PHYH: variants seen among roughly 807,000 people sequenced by gnomAD.
PHYH encodes phytanoyl-CoA 2-hydroxylase, also known as phytanoyl-CoA dioxygenase, peroxisomal.
Under a neutral mutation model 38.5 loss-of-function variants are expected in PHYH, and 32 were observed. That is an observed-to-expected ratio of 0.83 (90% CI 0.63 to 1.12). The LOEUF (loss-of-function observed/expected upper bound fraction) is 1.12. Ranked by LOEUF, PHYH falls within the 50% of genes most tolerant of loss-of-function variation. The pLI is 0.00. For missense variants in PHYH, 426 were observed against 434.8 expected, an observed-to-expected ratio of 0.98 and a Z score of 0.18; for synonymous variants, 166 against 157.9, an observed-to-expected ratio of 1.05 and a Z score of -0.38.
intron 2 of PHYH, among the ~76,000 whole-genome samples, chr10:13,297,225 T>A (rs979879637): frequency 6.6e-6 from 1 of 152,170 alleles, no homozygotes; most frequent in African/African-American, 2.4e-5. Flanking sequence ...ATAAATTGTA[T>A]ATTTTTAACT....
chr10:13,293,810 G>C, intron 4 of PHYH, among the ~76,000 whole-genome samples: 1 of 152,074 alleles, frequency 6.6e-6, no homozygotes, highest in Non-Finnish European at 1.5e-5. Context: ...AGACTGTTGA[G>C]TTTTTTTCCA....
At chr10:13,298,964 T>TAACAAC (rs1184585156) in intron 1 of PHYH, among the ~76,000 whole-genome samples, 35 of 72,104 alleles carry the variant, frequency 4.9e-4, no homozygotes, top group South Asian at 1.3e-3. Context: ...ATAATAATAA[T>TAACAAC]AACAACAATA....
chr10:13,293,062 T>C lies in PHYH; in HGVS notation c.415-1150A>G, dbSNP rs140228063. Among the ~76,000 whole-genome samples, 205 of 152,258 alleles carry C rather than the reference T, an allele frequency of 1.3e-3. 1 individual carries two copies. The highest frequency in any genetic ancestry group is 4.6e-3 in the African/African-American group (191 of 41,570). ...ACTGCTTCCTCACTTTTTGATCTCT[T>C]GTGTATAAGGAATATTGGCAATTTG... On this transcript the variant is annotated intron_variant, in intron 4 of 8. Transcript: ENST00000263038.
intron 2 of PHYH, 49 bp from the exon 3 acceptor site, chr10:13,295,655 G>C (rs1358815046): frequency 3.5e-6 from 3 of 846,002 alleles, no homozygotes; most frequent in Middle Eastern, 3.2e-4. Context: ...TAAATTACAG[G>C]CTAGGCACAA....
At chr10:13,289,208 T>C (rs1455771621) in intron 5 of PHYH, among the ~76,000 whole-genome samples, 2 of 152,172 alleles carry the variant, frequency 1.3e-5, no homozygotes, top group Non-Finnish European at 2.9e-5. Context: ...GTTGTTATTG[T>C]TTTTTGAGAC....
At position 13,293,974 on chromosome 10, in the gene PHYH, T is replaced by A. The variant is rs1186176813; in HGVS notation, c.414+454A>T. On this transcript the variant is annotated intron_variant, in intron 4 of 8. Coordinates refer to ENST00000263038, the MANE Select transcript of PHYH (RefSeq NM_006214.4). ...ATCCCAGCACTTTGGGAGGCCGAGGTGGGTGGATCACGAGGTCAGAAGTTC... is the reference window on the plus strand; with the variant it reads ...ATCCCAGCACTTTGGGAGGCCGAGGAGGGTGGATCACGAGGTCAGAAGTTC... Among the ~76,000 whole-genome samples the A allele has an allele frequency of 2.0e-5, 3 of 151,660 alleles. No individual in the cohort carries two copies. In the South Asian group the frequency reaches 6.3e-4, roughly 32 times the overall value.
intron 8 of PHYH, among the ~76,000 whole-genome samples, chr10:13,279,789 T>C (rs1835370139): frequency 6.6e-6 from 1 of 152,220 alleles, no homozygotes. Flanking sequence ...TGTACATATA[T>C]TTGTTCTCCC....
At chr10:13,284,918 G>A (rs946517027) in intron 6 of PHYH, among the ~76,000 whole-genome samples, 1 of 152,076 alleles carries the variant, frequency 6.6e-6, no homozygotes, top group Admixed American at 6.6e-5. Context: ...TGGCCAGGGT[G>A]AATGTGTGAC....
At chr10:13,291,521 C>G (rs1004047014) in intron 5 of PHYH, 3 of 384,992 alleles carry the variant, frequency 7.8e-6, no homozygotes, top group African/African-American at 6.1e-5. Context: ...CTCACTGTGT[C>G]ACGCAGGCTG....
Position 13,289,909 on chromosome 10 carries a change from A to G in PHYH, c.497-1368T>C, listed in dbSNP as rs1249396508. 3.4e-5 allele frequency among the ~76,000 whole-genome samples: 5 copies of G among 146,892 alleles called. No individual in the cohort carries two copies. The East Asian group carries it at 1.0e-3, about 30-fold the overall frequency. ...AGTCAAGATCGCACCACTGCACTCCAGCCTAGGCGACAGAGTGAGACTCTG... is the reference window on the plus strand; with the variant it reads ...AGTCAAGATCGCACCACTGCACTCCGGCCTAGGCGACAGAGTGAGACTCTG... On this transcript the variant is annotated intron_variant, in intron 5 of 8. Coordinates refer to ENST00000263038, the MANE Select transcript of PHYH (RefSeq NM_006214.4).
intron 2 of PHYH, among the ~76,000 whole-genome samples, chr10:13,296,864 G>T (rs937742321): frequency 6.6e-6 from 1 of 151,070 alleles, no homozygotes; most frequent in East Asian, 2.0e-4. Flanking sequence ...TGAGGCAGGA[G>T]AATGGCGTGA....
In PHYH at chr10:13,295,617, A is replaced by G; in HGVS notation, c.135-11T>C. The G allele has an allele frequency of 9.8e-7, 1 of 1,020,624 alleles. No homozygotes were observed. The highest frequency in any genetic ancestry group is 1.6e-6 in the Non-Finnish European group (1 of 638,148). 63.2% of individuals were successfully genotyped at this position (1,020,624 alleles called of 1,614,324 possible). A position where few individuals can be genotyped will look rare whatever the true frequency, so the allele number is the denominator to read the frequency against. ...TTATCCAGAGTATACCTAAAGGAGA[A>G]AAAGAATCCCAAAATAAGTTACATT... On this transcript the variant is annotated splice_polypyrimidine_tract_variant and intron_variant, in intron 2 of 8. Coordinates refer to ENST00000263038, the MANE Select transcript of PHYH (RefSeq NM_006214.4).
intron 3 of PHYH, 147 bp downstream of exon 3, chr10:13,295,349 C>G (rs1404940090): frequency 1.6e-6 from 1 of 630,932 alleles, no homozygotes; most frequent in East Asian, 2.8e-5. Flanking sequence ...AAAAGCCAGT[C>G]TGGCACCAGA....
intron 7 of PHYH, among the ~76,000 whole-genome samples, chr10:13,283,364 C>CAA (rs1435939238): frequency 1.3e-5 from 2 of 151,564 alleles, no homozygotes; most frequent in Non-Finnish European, 2.9e-5. Flanking sequence ...CTCCTGACCT[C>CAA]GTGATCCACC....
chr10:13,282,591 CAA>C (rs890313204), intron 7 of PHYH, among the ~76,000 whole-genome samples: 17 of 79,382 alleles, frequency 2.1e-4, no homozygotes, highest in Admixed American at 2.8e-4. Context: ...GACTCCACCT[CAA>C]AAAAAAAAAA....
rs368911800 is a variant in PHYH, at chr10:13,299,412, G to A, written c.75+556C>T. 10 of 1,000,238 alleles carry A rather than the reference G, an allele frequency of 1.0e-5. No homozygotes were observed. The East Asian group carries it at 7.9e-4, about 80-fold the overall frequency. 62.0% of individuals were successfully genotyped at this position (1,000,238 alleles called of 1,614,324 possible). A position where few individuals can be genotyped will look rare whatever the true frequency, so the allele number is the denominator to read the frequency against. On this transcript the variant is annotated intron_variant, in intron 1 of 8. Coordinates refer to ENST00000263038, the MANE Select transcript of PHYH (RefSeq NM_006214.4). ...AGGCAAGGCGTGTGCCGCCGCGCCAGTCCTCACCCGCTGTCCTTCCCCAAA... is the reference window on the plus strand; with the variant it reads ...AGGCAAGGCGTGTGCCGCCGCGCCAATCCTCACCCGCTGTCCTTCCCCAAA...
Position 13,283,757 on chromosome 10 carries a change from T to G in PHYH, c.761A>C (p.Asp254Ala). Residue 254 changes from aspartate to alanine, a missense_variant, in exon 7 of 9, where the codon GAC (aspartate) becomes GCC (alanine). Asp to Ala is a moderately radical substitution (Grantham distance 126). Coordinates refer to ENST00000263038, the MANE Select transcript of PHYH (RefSeq NM_006214.4). ...GAGCAAAGGATGGAAGAAAACAGTG[T>G]CGCCCTTCTCCATCACCAGGTGCAC... ...ARVHLVMEKG[D>A]TVFFHPLLIH... 1 of 1,614,078 alleles carries G rather than the reference T, an allele frequency of 6.2e-7. No individual in the cohort carries two copies. Among genetic ancestry groups the G allele is most frequent in the Non-Finnish European group, 8.5e-7 (1 of 1,179,962 alleles).
chr10:13,286,673 C>A (rs1316691002), intron 6 of PHYH, among the ~76,000 whole-genome samples: 5 of 146,736 alleles, frequency 3.4e-5, no homozygotes, highest in African/African-American at 1.3e-4. Flanking sequence ...TGCACTCCAG[C>A]CTGGTGACAG....
chr10:13,294,251 T>C (rs1000072598), intron 4 of PHYH, among the ~76,000 whole-genome samples, 177 bp downstream of exon 4: 5 of 152,092 alleles, frequency 3.3e-5, no homozygotes, highest in Non-Finnish European at 7.4e-5. Flanking sequence ...ATTCAACTCC[T>C]TTCCATATCC....
Sources: gnomAD v4.1 joint callset for allele counts (sites outside exome capture counted in the v4.1 genomes callset) on GRCh38, gnomAD v4.1.1 for gene constraint, MANE v1.5 for transcripts, NCBI Gene and HGNC (gene_info 2026-07-23, HGNC 2026-07-21) for gene names.